TBCA: variants seen among roughly 807,000 people sequenced by gnomAD.
The protein encoded by TBCA is tubulin-specific chaperone A.
Under a neutral mutation model 15.8 loss-of-function variants are expected in TBCA, and 6 were observed. That is an observed-to-expected ratio of 0.38 (90% CI 0.21 to 0.75). The LOEUF (loss-of-function observed/expected upper bound fraction) is 0.75. Among genes scored for constraint, TBCA ranks in the 30% least tolerant of loss-of-function variants. TBCA has a pLI of 0.46. For synonymous variants in TBCA, 32 were observed against 42.3 expected, an observed-to-expected ratio of 0.76 and a Z score of 0.94; for missense variants, 90 against 131.2, an observed-to-expected ratio of 0.69 and a Z score of 1.53.
At chr5:77,735,873 A>G (rs1376573365) in intron 1 of TBCA, among the ~76,000 whole-genome samples, 1 of 152,244 alleles carries the variant, frequency 6.6e-6, no homozygotes, top group East Asian at 1.9e-4. Context: ...ATTAAAAACA[A>G]AACAAAATAA....
chr5:77,775,713 T>A (rs1439553524), intron 1 of TBCA, among the ~76,000 whole-genome samples: 1 of 152,140 alleles, frequency 6.6e-6, no homozygotes, highest in African/African-American at 2.4e-5. Flanking sequence ...CCAGCCATGT[T>A]AGGTCACACG....
intron 1 of TBCA, among the ~76,000 whole-genome samples, chr5:77,725,755 C>G (rs1441979374): frequency 2.6e-5 from 4 of 152,164 alleles, no homozygotes; most frequent in African/African-American, 7.2e-5. Flanking sequence ...ATCCTTCCAT[C>G]AGGCATCTTG....
At chr5:77,704,773 AAAC>A (rs1746108948) in intron 2 of TBCA, among the ~76,000 whole-genome samples, 1 of 152,228 alleles carries the variant, frequency 6.6e-6, no homozygotes, top group Non-Finnish European at 1.5e-5. Context: ...GGAAACTCTA[AAAC>A]AAAACTGCAA....
chr5:77,774,453 G>A (rs1747977055), intron 1 of TBCA, among the ~76,000 whole-genome samples: 1 of 151,984 alleles, frequency 6.6e-6, no homozygotes, highest in Non-Finnish European at 1.5e-5. Flanking sequence ...GGCTTCATCT[G>A]CCTAATAAGA....
chr5:77,771,682 G>C (rs924975504), intron 1 of TBCA, among the ~76,000 whole-genome samples: 3 of 152,090 alleles, frequency 2.0e-5, no homozygotes, highest in Admixed American at 6.5e-5. Flanking sequence ...TCTCCTACAC[G>C]CCAAATACCA....
At chr5:77,693,243 A>T (rs200994332) in intron 3 of TBCA, 23 bp downstream of exon 3, 1 of 1,612,480 alleles carries the variant, frequency 6.2e-7, no homozygotes, top group Admixed American at 1.7e-5. Flanking sequence ...AAATTTAAAC[A>T]TGACACAGAA....
intron 2 of TBCA, among the ~76,000 whole-genome samples, chr5:77,700,282 A>C (rs1490902610): frequency 6.6e-6 from 1 of 152,170 alleles, no homozygotes; most frequent in East Asian, 1.9e-4. Flanking sequence ...AACTACAGAC[A>C]GAAATATCTG....
intron 1 of TBCA, among the ~76,000 whole-genome samples, chr5:77,739,405 G>C (rs1161665119): frequency 6.6e-6 from 1 of 152,182 alleles, no homozygotes; most frequent in Non-Finnish European, 1.5e-5. Context: ...AGGTTGTGGT[G>C]AGCCAAGATC....
chr5:77,705,587 A>G, intron 2 of TBCA: 1 of 398,606 alleles, frequency 2.5e-6, no homozygotes, highest in Non-Finnish European at 4.4e-6. Flanking sequence ...CAGGACTCTG[A>G]GAGGCTGGGG....
intron 1 of TBCA, among the ~76,000 whole-genome samples, chr5:77,769,610 G>T (rs1334775135): frequency 6.6e-6 from 1 of 151,824 alleles, no homozygotes; most frequent in Non-Finnish European, 1.5e-5. Context: ...TTGTATATAG[G>T]ATGTAGATAT....
intron 2 of TBCA, among the ~76,000 whole-genome samples, chr5:77,698,131 A>C (rs1032256939): frequency 6.6e-6 from 1 of 151,268 alleles, no homozygotes; most frequent in African/African-American, 2.4e-5. Flanking sequence ...AAAAAATAGT[A>C]ATAAAATTAA....
intron 2 of TBCA, among the ~76,000 whole-genome samples, chr5:77,694,964 C>T (rs1034660469): frequency 6.6e-6 from 1 of 152,092 alleles, no homozygotes; most frequent in African/African-American, 2.4e-5. Context: ...TTAACCACTG[C>T]CATTAAATTA....
At chr5:77,728,347 T>C (rs1368504106) in intron 1 of TBCA, among the ~76,000 whole-genome samples, 1 of 152,198 alleles carries the variant, frequency 6.6e-6, no homozygotes, top group Admixed American at 6.5e-5. Context: ...TTCATGTCCT[T>C]ATTCAGAACA....
chr5:77,729,755 G>A (rs1746720529), intron 1 of TBCA, among the ~76,000 whole-genome samples: 1 of 152,142 alleles, frequency 6.6e-6, no homozygotes, highest in Non-Finnish European at 1.5e-5. Context: ...TTTACGCTGT[G>A]ATTTTCCTTA....
intron 1 of TBCA, among the ~76,000 whole-genome samples, chr5:77,746,635 C>CT (rs1241991902): frequency 6.6e-6 from 1 of 152,040 alleles, no homozygotes; most frequent in Non-Finnish European, 1.5e-5. Flanking sequence ...TATTTTGTTT[C>CT]TTTTTTTCCT....
intron 2 of TBCA, among the ~76,000 whole-genome samples, chr5:77,703,144 G>A (rs1170711324): frequency 6.6e-6 from 1 of 152,144 alleles, no homozygotes; most frequent in African/African-American, 2.4e-5. Flanking sequence ...TTACATTACT[G>A]TAACTATATG....
chr5:77,738,355 A>C (rs1478405868), intron 1 of TBCA, among the ~76,000 whole-genome samples: 2 of 152,204 alleles, frequency 1.3e-5, no homozygotes, highest in Admixed American at 6.5e-5. Context: ...GACCTTTGCT[A>C]TATATATGGC....
chr5:77,763,201 G>A (rs769788925), intron 1 of TBCA, among the ~76,000 whole-genome samples: 8 of 152,016 alleles, frequency 5.3e-5, no homozygotes, highest in Non-Finnish European at 1.0e-4. Context: ...TCGAGATTGC[G>A]CCACTGCACT....
chr5:77,705,567 C>T (rs563760009), intron 2 of TBCA: 4 of 398,604 alleles, frequency 1.0e-5, no homozygotes, highest in African/African-American at 6.2e-5. Context: ...GGGACTCACG[C>T]TTATCATCCC....
Sources: allele counts gnomAD v4.1 joint callset (sites outside exome capture counted in the v4.1 genomes callset), GRCh38; gene constraint gnomAD v4.1.1; transcripts MANE v1.5; gene names NCBI Gene and HGNC (gene_info 2026-07-23, HGNC 2026-07-21).